The following RNLS variants were observed in gnomAD, a reference collection of about 807,000 sequenced individuals.
RNLS encodes the protein renalase, FAD dependent amine oxidase.
In RNLS, 39 loss-of-function variants were observed where a neutral mutation model predicts 39.8. That is an observed-to-expected ratio of 0.98 (90% CI 0.76 to 1.28). The LOEUF is 1.28. RNLS is among the 50% of genes most tolerant of loss of function. The probability of loss-of-function intolerance (pLI) is 0.00; values close to 1 mark genes in which losing one functional copy is unlikely to be tolerated. For missense variants in RNLS, 410 were observed against 413.3 expected (o/e 0.99, Z 0.07); for synonymous variants, 147 against 150.7 (o/e 0.98, Z 0.18).
chr10:88,296,807 C>T (rs1220760416), intron 6 of RNLS, among the ~76,000 whole-genome samples: 1 of 152,128 alleles, frequency 6.6e-6, no homozygotes, highest in African/African-American at 2.4e-5. Context: ...TTCCCTTATG[C>T]CCCACTGCAG....
chr10:88,402,441 C>A lies in RNLS; in HGVS notation c.527-39716G>T, dbSNP rs552166280. Among the ~76,000 whole-genome samples, 204 of 150,444 alleles carry A rather than the reference C, an allele frequency of 1.4e-3. 2 individuals carry two copies. Among genetic ancestry groups the A allele is most frequent in the African/African-American group, 4.1e-3 (168 of 40,974 alleles). On this transcript the variant is annotated intron_variant, in intron 4 of 6. Transcript: ENST00000331772. ...TGTATCATGTCTCTGGAAAAAAAAA[C>A]CAATAACAGCCATTGCTGAGACATA...
chr10:88,201,413 C>T, the RNLS span, among the ~76,000 whole-genome samples: 1 of 152,124 alleles, frequency 6.6e-6, no homozygotes, highest in East Asian at 1.9e-4. Flanking sequence ...TGGCAGCTTC[C>T]ACTTTGTTCT....
chr10:88,187,254 C>T, the RNLS span, among the ~76,000 whole-genome samples: 1 of 143,550 alleles, frequency 7.0e-6, no homozygotes, highest in African/African-American at 2.6e-5. Context: ...AAAGAAGCTC[C>T]TGAGTATTTT....
intron 4 of RNLS, among the ~76,000 whole-genome samples, chr10:88,388,668 C>A (rs1181749355): frequency 6.6e-6 from 1 of 152,190 alleles, no homozygotes; most frequent in Non-Finnish European, 1.5e-5. Context: ...GAGTTCCCTT[C>A]ATTCTCATAG....
rs1398645571 is a variant in RNLS at position 88,343,839 on chromosome 10, T to C, written c.700+18713A>G. 3 of 984,536 alleles carry C rather than the reference T, an allele frequency of 3.0e-6. No individual in the cohort carries two copies. In the African/African-American group the frequency reaches 5.2e-5, roughly 17 times the overall value. The allele number at this position is 984,536 out of a possible 1,614,324, so 61.0% of individuals were successfully genotyped here. A position where few individuals can be genotyped will look rare whatever the true frequency, so the allele number is the denominator to read the frequency against. ...AAAAGGAAAAACGAAAGGGTTTCAATAGTCCTTTAATTGAAACGTCCCTGG... is the reference window on the plus strand; with the variant it reads ...AAAAGGAAAAACGAAAGGGTTTCAACAGTCCTTTAATTGAAACGTCCCTGG... On this transcript the variant is annotated intron_variant, in intron 5 of 6. Coordinates refer to ENST00000331772, the MANE Select transcript of RNLS (RefSeq NM_001031709.3).
At chr10:88,215,653 C>G in the RNLS span, among the ~76,000 whole-genome samples, 1 of 147,490 alleles carries the variant, frequency 6.8e-6, no homozygotes, top group East Asian at 2.0e-4. Flanking sequence ...TTAGACCATT[C>G]ATTATCTGTT....
intron 4 of RNLS, among the ~76,000 whole-genome samples, chr10:88,460,656 AC>A (rs1176182880): frequency 6.6e-6 from 1 of 152,132 alleles, no homozygotes; most frequent in Non-Finnish European, 1.5e-5. Flanking sequence ...ATATAGTGCT[AC>A]CCCCAAATAC....
chr10:88,316,211 A>G (rs1230215176), intron 5 of RNLS, among the ~76,000 whole-genome samples: 1 of 152,210 alleles, frequency 6.6e-6, no homozygotes, highest in Non-Finnish European at 1.5e-5. Context: ...ACCTCACAGT[A>G]GCTGGAACAA....
At chr10:88,538,900 G>A (rs958002056) in intron 4 of RNLS, among the ~76,000 whole-genome samples, 14 of 152,078 alleles carry the variant, frequency 9.2e-5, no homozygotes, top group African/African-American at 3.4e-4. Flanking sequence ...TCCCCAACAG[G>A]AGGTGGCCAA....
chr10:88,346,699 C>G (rs1848329251), intron 5 of RNLS, among the ~76,000 whole-genome samples: 1 of 152,144 alleles, frequency 6.6e-6, no homozygotes, highest in Admixed American at 6.6e-5. Flanking sequence ...AAAAGGACTA[C>G]TGGCTCAGCA....
At chr10:88,269,974 A>C (rs942599313), downstream of RNLS, among the ~76,000 whole-genome samples, 8 of 152,144 alleles carry the variant, frequency 5.3e-5, no homozygotes, top group African/African-American at 1.9e-4. Flanking sequence ...CAGCCTCCCG[A>C]GTAGCTGGGA....
intron 4 of RNLS, among the ~76,000 whole-genome samples, chr10:88,549,471 C>T (rs918970254): frequency 1.3e-5 from 2 of 151,818 alleles, no homozygotes; most frequent in African/African-American, 4.8e-5. Context: ...GAGGCTGAAG[C>T]AGGAGGATCA....
intron 5 of RNLS, among the ~76,000 whole-genome samples, chr10:88,335,638 A>G (rs762941820): frequency 2.0e-5 from 3 of 152,230 alleles, no homozygotes; most frequent in Middle Eastern, 3.2e-3. Flanking sequence ...TTCATTAGAC[A>G]AAGACACATT....
chr10:88,430,167 T>C lies in RNLS; in HGVS notation c.527-67442A>G, dbSNP rs547585849. On this transcript the variant is annotated intron_variant, in intron 4 of 6. Coordinates refer to ENST00000331772, the MANE Select transcript of RNLS (RefSeq NM_001031709.3). ...TTTGTCCATTTACTTAGGTCTTCTG[T>C]ATGTCTTTCAGTAATGTTTTATAGT... 1.2e-3 allele frequency among the ~76,000 whole-genome samples: 188 copies of C among 152,042 alleles called. 2 individuals are homozygous for C. The highest frequency in any genetic ancestry group is 4.2e-3 in the African/African-American group (176 of 41,564).
intron 4 of RNLS, among the ~76,000 whole-genome samples, chr10:88,422,986 T>A (rs1174552984): frequency 6.6e-6 from 1 of 152,172 alleles, no homozygotes; most frequent in Non-Finnish European, 1.5e-5. Context: ...TGGCCTCAAG[T>A]GATCCACCCA....
intron 3 of RNLS, among the ~76,000 whole-genome samples, chr10:88,581,292 G>GTATATATATATATATA (rs1362971821): frequency 4.1e-5 from 5 of 122,046 alleles, no homozygotes; most frequent in African/African-American, 1.8e-4. Flanking sequence ...GTGTGTGTGT[G>GTATATATATATATATA]TGTATATATA....
At chr10:88,282,290 A>C (rs867703214), downstream of RNLS, among the ~76,000 whole-genome samples, 1 of 152,122 alleles carries the variant, frequency 6.6e-6, no homozygotes, top group South Asian at 2.1e-4. Context: ...TAGCATGTTC[A>C]TCTGGCAGCA....
chr10:88,460,898 T>G (rs1842903300), intron 4 of RNLS, among the ~76,000 whole-genome samples: 1 of 152,102 alleles, frequency 6.6e-6, no homozygotes, highest in African/African-American at 2.4e-5. Flanking sequence ...GCAAAAGGAC[T>G]TGGACTGTTT....
the RNLS span, among the ~76,000 whole-genome samples, chr10:88,215,044 G>A: frequency 6.6e-6 from 1 of 151,938 alleles, no homozygotes; most frequent in Admixed American, 6.6e-5. Flanking sequence ...CCTATCTATG[G>A]TAATTATTCT....
Sources: gnomAD v4.1 joint callset for allele counts (sites outside exome capture counted in the v4.1 genomes callset) on GRCh38, gnomAD v4.1.1 for gene constraint, MANE v1.5 for transcripts, NCBI Gene and HGNC (gene_info 2026-07-23, HGNC 2026-07-21) for gene names.